ARHGAP42: variants seen among roughly 807,000 people sequenced by gnomAD.
The protein encoded by ARHGAP42 is rho GTPase-activating protein 42.
A neutral mutation model predicts 125.0 loss-of-function variants in ARHGAP42; 63 were observed. That is an observed-to-expected ratio of 0.50 (90% CI 0.41 to 0.62). The LOEUF (loss-of-function observed/expected upper bound fraction) is 0.62, where lower values mean the gene tolerates loss of function less well. ARHGAP42 is among the 20% of genes least tolerant of loss of function. ARHGAP42 has a pLI of 0.00. For missense variants in ARHGAP42, 766 were observed against 1,024.2 expected (o/e 0.75, Z 3.44); for synonymous variants, 339 against 351.0 (o/e 0.97, Z 0.38).
intron 1 of ARHGAP42, among the ~76,000 whole-genome samples, chr11:100,693,955 T>C (rs566898795): frequency 6.6e-6 from 1 of 151,626 alleles, no homozygotes; most frequent in African/African-American, 2.4e-5. Flanking sequence ...TTTTTTTTGA[T>C]GGAGTCTCGC....
At chr11:100,753,668 C>T (rs1176344505) in intron 1 of ARHGAP42, among the ~76,000 whole-genome samples, 1 of 152,230 alleles carries the variant, frequency 6.6e-6, no homozygotes, top group African/African-American at 2.4e-5. Context: ...TCCGCCTGTG[C>T]TGGAGACTGG....
chr11:100,947,005 G>A (rs10791436), intron 10 of ARHGAP42, among the ~76,000 whole-genome samples: 134,147 of 151,408 alleles, frequency 0.89, 59,516 homozygotes, highest in East Asian at 1. Context: ...GCTGTAAACT[G>A]TGTTGACTCT....
At chr11:100,970,623 T>C (rs2135312915) in intron 17 of ARHGAP42, among the ~76,000 whole-genome samples, 1 of 152,196 alleles carries the variant, frequency 6.6e-6, no homozygotes, top group African/African-American at 2.4e-5. Context: ...GTTATGATGC[T>C]AAAAAGGCTC....
intron 1 of ARHGAP42, among the ~76,000 whole-genome samples, chr11:100,735,109 CT>C (rs1862039748): frequency 6.6e-6 from 1 of 152,208 alleles, no homozygotes; most frequent in African/African-American, 2.4e-5. Context: ...CACCAGACCC[CT>C]TCAGGATCCA....
At chr11:100,955,311 C>T (rs1857775610) in intron 12 of ARHGAP42, among the ~76,000 whole-genome samples, 1 of 151,984 alleles carries the variant, frequency 6.6e-6, no homozygotes, top group Admixed American at 6.6e-5. Flanking sequence ...CTGCTTCTAC[C>T]CTCACCCATG....
At chr11:100,975,830 A>G (rs375064027) in intron 19 of ARHGAP42, among the ~76,000 whole-genome samples, 7 of 152,174 alleles carry the variant, frequency 4.6e-5, no homozygotes, top group Non-Finnish European at 7.3e-5. Flanking sequence ...ACATACATAA[A>G]CTTCCTAAAA....
intron 3 of ARHGAP42, among the ~76,000 whole-genome samples, chr11:100,847,922 G>A (rs1219109983): frequency 6.6e-6 from 1 of 152,180 alleles, no homozygotes; most frequent in Non-Finnish European, 1.5e-5. Flanking sequence ...TTTGAAGCTT[G>A]AAAATGCATT....
chr11:100,806,196 A>G (rs760767716), intron 3 of ARHGAP42, among the ~76,000 whole-genome samples: 1 of 152,208 alleles, frequency 6.6e-6, no homozygotes, highest in East Asian at 1.9e-4. Context: ...TGATAAACCT[A>G]TTTAAGTCTT....
chr11:100,912,236 A>G (rs1047328330), intron 4 of ARHGAP42, among the ~76,000 whole-genome samples: 1 of 152,084 alleles, frequency 6.6e-6, no homozygotes, highest in Non-Finnish European at 1.5e-5. Flanking sequence ...AAAAACTGCA[A>G]TTACTTCTGC....
At chr11:100,884,056 C>T (rs544690090) in intron 4 of ARHGAP42, among the ~76,000 whole-genome samples, 71 of 152,290 alleles carry the variant, frequency 4.7e-4, no homozygotes, top group African/African-American at 1.6e-3. Flanking sequence ...AATAAGACCG[C>T]ACACAGTGGA....
chr11:100,814,261 G>A (rs1462500499), intron 3 of ARHGAP42, among the ~76,000 whole-genome samples: 3 of 151,340 alleles, frequency 2.0e-5, no homozygotes, highest in Non-Finnish European at 4.4e-5. Context: ...GGAGGCTGAG[G>A]CAGGAGAATC....
intron 3 of ARHGAP42, among the ~76,000 whole-genome samples, chr11:100,809,471 C>T (rs897897656): frequency 4.6e-5 from 7 of 152,232 alleles, no homozygotes; most frequent in Admixed American, 6.5e-5. Context: ...GAGAAATTTC[C>T]GGTTAACATT....
intron 7 of ARHGAP42, among the ~76,000 whole-genome samples, chr11:100,935,506 T>C (rs1281040431): frequency 6.6e-6 from 1 of 152,196 alleles, no homozygotes; most frequent in African/African-American, 2.4e-5. Context: ...TTTTGTTTTT[T>C]TCCCTCAAAA....
rs540828291 is a variant in ARHGAP42, at chr11:100,919,127, C to T, written c.487-2367C>T. 2.9e-4 allele frequency among the ~76,000 whole-genome samples: 8 copies of T among 27,774 alleles called. No homozygotes were observed. The South Asian group carries it at 7.3e-3, about 25-fold the overall frequency. The allele number at this position is 27,774 out of a possible 152,430, so 18.2% of individuals were successfully genotyped here. ...TCCCAGTGGAGACACTCAGAGCATGCTCAATTCCCCCCTGCAAGGAGCTGT... is the reference window on the plus strand; with the variant it reads ...TCCCAGTGGAGACACTCAGAGCATGTTCAATTCCCCCCTGCAAGGAGCTGT... On this transcript the variant is annotated intron_variant, in intron 5 of 23. Coordinates refer to ENST00000298815, the MANE Select transcript of ARHGAP42 (RefSeq NM_152432.4).
chr11:100,704,474 T>G (rs1487048374), intron 1 of ARHGAP42, among the ~76,000 whole-genome samples: 2 of 152,128 alleles, frequency 1.3e-5, no homozygotes, highest in Non-Finnish European at 2.9e-5. Flanking sequence ...GTTTGTCAAG[T>G]TTAAACTCTC....
chr11:100,779,680 AAC>A (rs1863253133), intron 2 of ARHGAP42, among the ~76,000 whole-genome samples: 1 of 151,290 alleles, frequency 6.6e-6, no homozygotes, highest in Non-Finnish European at 1.5e-5. Flanking sequence ...GTCATAAATT[AAC>A]ACACATGCAC....
intron 1 of ARHGAP42, among the ~76,000 whole-genome samples, chr11:100,699,376 T>A (rs57637131): frequency 6.7e-6 from 1 of 150,202 alleles, no homozygotes; most frequent in African/African-American, 2.4e-5. Context: ...CAATTCTATA[T>A]CTAAAATATC....
At chr11:100,752,337 G>C (rs1862479849) in intron 1 of ARHGAP42, among the ~76,000 whole-genome samples, 1 of 152,222 alleles carries the variant, frequency 6.6e-6, no homozygotes, top group African/African-American at 2.4e-5. Context: ...CACCAGGGCT[G>C]CCTGCCTGTT....
chr11:100,920,467 G>C (rs894027518), intron 5 of ARHGAP42, among the ~76,000 whole-genome samples: 2 of 151,670 alleles, frequency 1.3e-5, no homozygotes, highest in African/African-American at 4.8e-5. Flanking sequence ...CATTATAAAT[G>C]GCTTCAAGTT....
Sources: allele counts gnomAD v4.1 joint callset (sites outside exome capture counted in the v4.1 genomes callset), GRCh38; gene constraint gnomAD v4.1.1; transcripts MANE v1.5; gene names NCBI Gene and HGNC (gene_info 2026-07-23, HGNC 2026-07-21).